Variants in USF3 observed in about 807,000 individuals in gnomAD.
USF3 encodes the protein upstream transcription factor family member 3.
A neutral mutation model predicts 157.5 loss-of-function variants in USF3; 29 were observed. The observed-to-expected ratio is 0.18, with a 90% CI of 0.14 to 0.25. The LOEUF is 0.25. Ranked by LOEUF, USF3 falls within the 10% of genes least tolerant of loss-of-function variation. USF3 has a pLI of 1.00. For synonymous variants in USF3, 893 were observed against 941.4 expected (o/e 0.95, Z 0.94); for missense variants, 2,381 against 2,667.6 (o/e 0.89, Z 2.37).
At chr3:113,674,810 T>C (rs781546333) in intron 3 of USF3, 22 bp downstream of exon 3, 9 of 1,601,212 alleles carry the variant, frequency 5.6e-6, no homozygotes, top group Non-Finnish European at 6.8e-6. Flanking sequence ...AAGCATATTA[T>C]ATTGGGGCTG....
chr3:113,657,874 G>A lies in USF3; in HGVS notation c.3808C>T (p.Pro1270Ser). The change falls in exon 7 of 7, where the codon CCT becomes TCT. Residue 1270 changes from proline (P) to serine (S), a missense_variant. Coordinates refer to ENST00000316407, the MANE Select transcript of USF3 (RefSeq NM_001009899.4). ...LSPTSEQTTV[P>S]ATVNLTVSSS... ...GAAACGGTCAGATTAACCGTTGCAG[G>A]CACAGTTGTTTGCTCTGAAGTTGGG... The A allele has an allele frequency of 6.2e-7, 1 of 1,614,176 alleles. No individual in the cohort carries two copies. The highest frequency in any genetic ancestry group is 8.5e-7 in the Non-Finnish European group (1 of 1,180,022).
chr3:113,661,523 C>T, intron 6 of USF3, 98 bp from the exon 7 acceptor site: 1 of 658,258 alleles, frequency 1.5e-6, no homozygotes, highest in Middle Eastern at 4.3e-4. Context: ...AATTCTAATT[C>T]TAGCATTCTA....
At position 113,654,583 on chromosome 3, in the gene USF3, A is replaced by G. The variant is rs1357347667; in HGVS notation, c.*361T>C. 5.2e-6 allele frequency: 1 copy of G among 191,874 alleles called. No homozygotes were observed. The highest frequency in any genetic ancestry group is 1.1e-5 in the Non-Finnish European group (1 of 94,184). The allele number at this position is 191,874 out of a possible 1,614,324, so 11.9% of individuals were successfully genotyped here. A position where few individuals can be genotyped will look rare whatever the true frequency, so the allele number is the denominator to read the frequency against. On this transcript the variant is annotated 3_prime_UTR_variant, in exon 7 of 7. Coordinates refer to ENST00000316407, the MANE Select transcript of USF3 (RefSeq NM_001009899.4). ...TATTTTTCAGTAGCAACTTACCTACATATTCCATAAGTTATCAACAATCAA... is the reference window on the plus strand; with the variant it reads ...TATTTTTCAGTAGCAACTTACCTACGTATTCCATAAGTTATCAACAATCAA...
At position 113,696,381 on chromosome 3, in the gene USF3, G is replaced by A. The variant is rs1389936302; in HGVS notation, c.-146C>T. 6.7e-6 allele frequency: 1 copy of A among 149,082 alleles called. No homozygotes were observed. Among genetic ancestry groups the A allele is most frequent in the African/African-American group, 2.5e-5 (1 of 40,180 alleles). The allele number at this position is 149,082 out of a possible 1,614,324, so 9.2% of individuals were successfully genotyped here. The stretch of plus-strand genomic sequence containing the variant: ...CCGCAGTCACTTACCCGCCGGCTGC[G>A]CGGTCTCGGCCGCGGTGGCGGCGGC... On this transcript the variant is annotated 5_prime_UTR_variant, in exon 1 of 7. Coordinates refer to ENST00000316407, the MANE Select transcript of USF3 (RefSeq NM_001009899.4).
chr3:113,687,266 C>CACACA (rs1553702109), intron 1 of USF3, among the ~76,000 whole-genome samples: 16 of 142,340 alleles, frequency 1.1e-4, no homozygotes, highest in South Asian at 4.3e-4. Context: ...CACACACACA[C>CACACA]CCCCTTTCTA....
At chr3:113,678,091 T>G (rs938725416) in intron 1 of USF3, among the ~76,000 whole-genome samples, 2 of 151,570 alleles carry the variant, frequency 1.3e-5, no homozygotes, top group Non-Finnish European at 2.9e-5. Flanking sequence ...TGTTTTTGGT[T>G]TTTTAGGTAC....
chr3:113,658,819 C>A lies in USF3; in HGVS notation c.2863G>T (p.Val955Phe). The change falls in exon 7 of 7, where the codon GTT becomes TTT. Residue 955 changes from valine (V) to phenylalanine (F), a missense_variant. Physicochemically the swap from Val to Phe is conservative, Grantham distance 50 (BLOSUM62 -1). Transcript: ENST00000316407. ...GATGACAAACCAGGAACCTGAGAAA[C>A]CAAAATGTGAGGATCACTTGGAGAT... ...IPSPSDPHIL[V>F]SQVPGLSSTT... 7 of 1,614,106 alleles carry A rather than the reference C, an allele frequency of 4.3e-6. No individual in the cohort carries two copies. Among genetic ancestry groups the A allele is most frequent in the Non-Finnish European group, 5.1e-6 (6 of 1,180,024 alleles).
Position 113,649,804 on chromosome 3 carries a change from A to G in USF3, c.*5140T>C, listed in dbSNP as rs1947229667. 1 of 702,700 alleles carries G rather than the reference A, an allele frequency of 1.4e-6. No individual in the cohort carries two copies. The highest frequency in any genetic ancestry group is 1.5e-5 in the South Asian group (1 of 67,592). 43.5% of individuals were successfully genotyped at this position (702,700 alleles called of 1,614,324 possible). On this transcript the variant is annotated 3_prime_UTR_variant, in exon 7 of 7. Transcript: ENST00000316407. ...TCACGCTTCTTATCAGCATGGACTG[A>G]CTCAATCTAAATTTGGTGTCCCCCC...
chr3:113,681,723 A>AT (rs1707434316), intron 1 of USF3, among the ~76,000 whole-genome samples: 1 of 149,862 alleles, frequency 6.7e-6, no homozygotes, highest in African/African-American at 2.5e-5. Context: ...TTAAAAAAAA[A>AT]ATTTTTTTTT....
chr3:113,649,880 A>T lies in USF3; in HGVS notation c.*5064T>A. 1.4e-6 allele frequency: 1 copy of T among 702,312 alleles called. No homozygotes were observed. Among genetic ancestry groups the T allele is most frequent in the South Asian group, 1.5e-5 (1 of 67,370 alleles). The allele number at this position is 702,312 out of a possible 1,614,324, so 43.5% of individuals were successfully genotyped here. On this transcript the variant is annotated 3_prime_UTR_variant, in exon 7 of 7. Coordinates refer to ENST00000316407, the MANE Select transcript of USF3 (RefSeq NM_001009899.4). ...GCATGAAGAATAGAATGCAGACAGA[A>T]TATAGTTAAATCCAAAAAAGGCCCT...
Position 113,659,930 on chromosome 3 carries a change from C to T in USF3, c.1752G>A (p.Gln584=). The part of the protein sequence containing the change: ...QTVGQQIVII[Q]AANQNPLPLL... The stretch of plus-strand genomic sequence containing the variant: ...GTGGCAAAGGATTCTGATTAGCAGC[C>T]TGTATGATTACTATCTGTTGACCTA... The change falls in exon 7 of 7, where the codon CAG becomes CAA. Residue 584 remains glutamine (Q), a synonymous_variant. Transcript: ENST00000316407. 1 of 1,614,144 alleles carries T rather than the reference C, an allele frequency of 6.2e-7. No individual in the cohort carries two copies. Among genetic ancestry groups the T allele is most frequent in the South Asian group, 1.1e-5 (1 of 91,076 alleles).
chr3:113,648,662 T>C lies in USF3; in HGVS notation c.*6282A>G, dbSNP rs1296456925. 3.3e-5 allele frequency: 5 copies of C among 152,514 alleles called. No homozygotes were observed. The highest frequency in any genetic ancestry group is 5.9e-5 in the Non-Finnish European group (4 of 68,004). 9.4% of individuals were successfully genotyped at this position (152,514 alleles called of 1,614,324 possible). ...CCATTACAAAACAAATTAGTTTCCA[T>C]AAGAATTATAAACCAGGAGATTTAC... On this transcript the variant is annotated 3_prime_UTR_variant, in exon 7 of 7. Transcript: ENST00000316407.
intron 1 of USF3, among the ~76,000 whole-genome samples, chr3:113,679,042 C>CTCTCTCT (rs1361472294): frequency 3.7e-5 from 4 of 107,666 alleles, no homozygotes; most frequent in Non-Finnish European, 2.2e-5. Flanking sequence ...TCTCTCTCTC[C>CTCTCTCT]AACTCCTGGC....
At position 113,653,106 on chromosome 3, in the gene USF3, T is replaced by G. The variant is rs2107911603; in HGVS notation, c.*1838A>C. On this transcript the variant is annotated 3_prime_UTR_variant, in exon 7 of 7. Coordinates refer to ENST00000316407, the MANE Select transcript of USF3 (RefSeq NM_001009899.4). Reference sequence around the variant, plus strand: ...GAAAAGCTGGTCCTTGAGTTCACTTTGTTAACAAGGCAGATAAAACAATTT... The same window carrying G: ...GAAAAGCTGGTCCTTGAGTTCACTTGGTTAACAAGGCAGATAAAACAATTT... The G allele has an allele frequency of 4.8e-6, 1 of 209,252 alleles. No individual in the cohort carries two copies. Among genetic ancestry groups the G allele is most frequent in the South Asian group, 9.9e-5 (1 of 10,136 alleles). 13.0% of individuals were successfully genotyped at this position (209,252 alleles called of 1,614,324 possible). A position where few individuals can be genotyped will look rare whatever the true frequency, so the allele number is the denominator to read the frequency against.
Position 113,657,550 on chromosome 3 carries a change from T to A in USF3, c.4132A>T (p.Ile1378Phe), listed in dbSNP as rs980340735. 1 of 1,614,124 alleles carries A rather than the reference T, an allele frequency of 6.2e-7. No individual in the cohort carries two copies. Among genetic ancestry groups the A allele is most frequent in the South Asian group, 1.1e-5 (1 of 91,080 alleles). The change falls in exon 7 of 7, where the codon ATC becomes TTC. Residue 1378 changes from isoleucine to phenylalanine, a missense_variant. Physicochemically the swap from Ile to Phe is conservative, Grantham distance 21 (BLOSUM62 0). Around this residue, in one of 6 missense-constraint regions of USF3, gnomAD observed 1,435 missense variants for 1,550.9 expected, o/e 0.93. Coordinates refer to ENST00000316407, the MANE Select transcript of USF3 (RefSeq NM_001009899.4). ...SDQTQMMVSQ[I>F]PPNSSNSVVP... is the part of the protein sequence containing the mutation. ...ACTGAGTTTGAAGAATTAGGAGGGA[T>A]CTGACTGACCATCATTTGAGTTTGG...
Position 113,657,310 on chromosome 3 carries a change from G to C in USF3, c.4372C>G (p.Leu1458Val), listed in dbSNP as rs1043049886. Residue 1458 changes from leucine to valine, a missense_variant, in exon 7 of 7, where the codon CTC becomes GTC. Around this residue, in one of 6 missense-constraint regions of USF3, gnomAD observed 1,435 missense variants for 1,550.9 expected, o/e 0.93. Transcript: ENST00000316407. ...TGCTGCTGCTGCTGCTTTATGTAGA[G>C]ATGGTTACTATGAAGGTGAGATACA... ...QGVSHLHSNH[L>V]YIKQQQQQQQ... 12 of 1,612,950 alleles carry C rather than the reference G, an allele frequency of 7.4e-6. No individual in the cohort carries two copies. The African/African-American group carries it at 1.5e-4, about 20-fold the overall frequency.
Position 113,659,053 on chromosome 3 carries a change from G to T in USF3, c.2629C>A (p.Pro877Thr), listed in dbSNP as rs754264180. The change falls in exon 7 of 7, where the codon CCT becomes ACT. Residue 877 changes from proline (P) to threonine (T), a missense_variant. Pro to Thr is a conservative substitution (Grantham distance 38). Around this residue, in one of 6 missense-constraint regions of USF3, gnomAD observed 1,435 missense variants for 1,550.9 expected, o/e 0.93. Coordinates refer to ENST00000316407, the MANE Select transcript of USF3 (RefSeq NM_001009899.4). ...LGVLSSESLI[P>T]ESVSKSKSAE... ...GACTTAGATTTCGATACAGACTCAG[G>T]TATTAATGATTCAGAGCTTAGAACA... The T allele has an allele frequency of 6.2e-7, 1 of 1,614,156 alleles. No homozygotes were observed. The highest frequency in any genetic ancestry group is 8.5e-7 in the Non-Finnish European group (1 of 1,180,010).
At chr3:113,662,937 T>C (rs1031291108) in intron 6 of USF3, among the ~76,000 whole-genome samples, 1 of 151,428 alleles carries the variant, frequency 6.6e-6, no homozygotes, top group Admixed American at 6.6e-5. Flanking sequence ...CATTTTAACA[T>C]AGGGAAACTG....
intron 4 of USF3, among the ~76,000 whole-genome samples, chr3:113,670,998 G>A (rs1464295816): frequency 1.3e-5 from 2 of 152,028 alleles, no homozygotes; most frequent in African/African-American, 4.8e-5. Flanking sequence ...GCCCACCTCA[G>A]TCTCCCAAAA....
Sources: allele counts gnomAD v4.1 joint callset (sites outside exome capture counted in the v4.1 genomes callset), GRCh38; gene constraint gnomAD v4.1.1; regional missense constraint gnomAD v4.1.1; transcripts MANE v1.5; gene names NCBI Gene and HGNC (gene_info 2026-07-23, HGNC 2026-07-21).